C12orf42: variants seen among roughly 807,000 people sequenced by gnomAD.
The protein encoded by C12orf42 is chromosome 12 open reading frame 42.
A neutral mutation model predicts 21.6 loss-of-function variants in C12orf42; 25 were observed. The observed-to-expected ratio is 1.16, with a 90% CI of 0.84 to 1.62. The LOEUF (loss-of-function observed/expected upper bound fraction) is 1.62. Among genes scored for constraint, C12orf42 ranks in the 40% most tolerant of loss-of-function variants. The probability of loss-of-function intolerance (pLI) is 0.00; values close to 1 mark genes in which losing one functional copy is unlikely to be tolerated. For synonymous variants in C12orf42, 174 were observed against 175.0 expected (o/e 0.99, Z 0.05); for missense variants, 483 against 459.3 (o/e 1.05, Z -0.47).
At position 103,487,775 on chromosome 12, in the gene C12orf42, A is replaced by G. The variant is rs544337572; in HGVS notation, c.-22+8127T>C. On this transcript the variant is annotated intron_variant, in intron 1 of 5. Transcript: ENST00000548883. ...CTGTTTTATTCAAGACTAGGCTTGC[A>G]ACCCCTCCTTTTTTTTGCTTTCCAT... is the stretch of plus-strand genomic sequence containing the variant. Among the ~76,000 whole-genome samples, 3 of 152,240 alleles carry G rather than the reference A, an allele frequency of 2.0e-5. No homozygotes were observed. In the Middle Eastern group the frequency reaches 0.01, roughly 521 times the overall value.
chr12:103,534,131 T>C, the C12orf42 span, among the ~76,000 whole-genome samples: 1 of 152,248 alleles, frequency 6.6e-6, no homozygotes, highest in African/African-American at 2.4e-5. Flanking sequence ...CTTATCCTCA[T>C]TGAACTTACA....
At chr12:103,107,046 A>T in the C12orf42 span, among the ~76,000 whole-genome samples, 1 of 151,944 alleles carries the variant, frequency 6.6e-6, no homozygotes, top group African/African-American at 2.4e-5. Context: ...AATAGTGATA[A>T]AAGGAATAAT....
At chr12:103,507,160 ATAT>A in the C12orf42 span, among the ~76,000 whole-genome samples, 1 of 24,876 alleles carries the variant, frequency 4.0e-5, no homozygotes, top group African/African-American at 3.9e-4. Flanking sequence ...AAATATATAT[ATAT>A]AATATATATT....
rs182219554 is a variant in C12orf42 at position 103,306,488 on chromosome 12, G to A, written c.260-143C>T. On this transcript the variant is annotated intron_variant, in intron 4 of 5. Coordinates refer to ENST00000548883, the MANE Select transcript of C12orf42 (RefSeq NM_198521.5). Reference sequence around the variant, plus strand: ...GAGTAAACAAAAATGACAGACTAGGGTAGCTGAGTAGGAGAAGAAGAAGAG... The same window carrying A: ...GAGTAAACAAAAATGACAGACTAGGATAGCTGAGTAGGAGAAGAAGAAGAG... 1.1e-3 allele frequency: 1,080 copies of A among 951,520 alleles called. 17 individuals are homozygous for A. In the South Asian group the frequency reaches 0.014, roughly 12 times the overall value. The allele number at this position is 951,520 out of a possible 1,614,324, so 58.9% of individuals were successfully genotyped here.
intron 1 of C12orf42, among the ~76,000 whole-genome samples, chr12:103,486,276 TA>T (rs1306370106): frequency 6.6e-6 from 1 of 152,226 alleles, no homozygotes; most frequent in African/African-American, 2.4e-5. Context: ...AGATTACATT[TA>T]TTAATCTGCA....
chr12:103,525,297 T>C, the C12orf42 span, among the ~76,000 whole-genome samples: 1 of 152,184 alleles, frequency 6.6e-6, no homozygotes, highest in African/African-American at 2.4e-5. Flanking sequence ...CCCAAAGTAG[T>C]AGGATTACAG....
chr12:103,524,365 G>A, the C12orf42 span, among the ~76,000 whole-genome samples: 124 of 152,258 alleles, frequency 8.1e-4, no homozygotes, highest in Non-Finnish European at 1.4e-3. Context: ...TTCCAGCCAC[G>A]CTGCCTTGAG....
chr12:103,338,263 T>C (rs988196902), intron 4 of C12orf42, among the ~76,000 whole-genome samples: 6 of 152,224 alleles, frequency 3.9e-5, no homozygotes, highest in African/African-American at 1.2e-4. Flanking sequence ...GTGCACCACC[T>C]CTCTCAAAGC....
the C12orf42 span, among the ~76,000 whole-genome samples, chr12:103,562,208 G>A: frequency 6.6e-6 from 1 of 152,112 alleles, no homozygotes; most frequent in African/African-American, 2.4e-5. Context: ...ACTGATGCTG[G>A]AGTGTCTGTT....
chr12:103,300,516 A>G (rs1048992754), downstream of C12orf42, among the ~76,000 whole-genome samples: 21 of 152,206 alleles, frequency 1.4e-4, no homozygotes, highest in African/African-American at 4.6e-4. Flanking sequence ...TGCATTTTTA[A>G]TAAATTCAGG....
At chr12:103,391,585 C>G (rs555914975) in intron 3 of C12orf42, among the ~76,000 whole-genome samples, 186 of 151,928 alleles carry the variant, frequency 1.2e-3, no homozygotes, top group African/African-American at 4.1e-3. Flanking sequence ...TTTTCAAGTC[C>G]TTTGCCCATT....
chr12:103,431,436 G>A (rs138685187), intron 2 of C12orf42: 9 of 152,274 alleles, frequency 5.9e-5, no homozygotes, highest in African/African-American at 2.2e-4. Flanking sequence ...TGTCACGGAT[G>A]GTAAAATATT....
intron 5 of C12orf42, among the ~76,000 whole-genome samples, chr12:103,272,320 A>G (rs1363300924): frequency 6.6e-5 from 10 of 152,172 alleles, no homozygotes; most frequent in Admixed American, 6.5e-4. Flanking sequence ...TAAGACCAAG[A>G]AAGGGAATGA....
At chr12:103,340,045 C>T (rs2042036645) in intron 4 of C12orf42, among the ~76,000 whole-genome samples, 1 of 152,172 alleles carries the variant, frequency 6.6e-6, no homozygotes, top group Non-Finnish European at 1.5e-5. Context: ...TTTAGCTTAG[C>T]CCCTTGAAAG....
At chr12:103,400,628 C>T (rs1054183275) in intron 3 of C12orf42, among the ~76,000 whole-genome samples, 1 of 152,284 alleles carries the variant, frequency 6.6e-6, no homozygotes, top group East Asian at 1.9e-4. Context: ...TCAACTAGGT[C>T]ATGTTTTTCA....
At chr12:103,543,805 A>G in the C12orf42 span, among the ~76,000 whole-genome samples, 58 of 151,802 alleles carry the variant, frequency 3.8e-4, 1 homozygote, top group East Asian at 0.011. Context: ...AGAATCTTCC[A>G]TCTGGGAATA....
At chr12:103,409,479 G>A (rs930185764) in intron 2 of C12orf42, among the ~76,000 whole-genome samples, 1 of 152,298 alleles carries the variant, frequency 6.6e-6, no homozygotes, top group Non-Finnish European at 1.5e-5. Flanking sequence ...ACGGGCAGAA[G>A]TTAGATTTAC....
intron 4 of C12orf42, among the ~76,000 whole-genome samples, chr12:103,337,534 A>G (rs1053069366): frequency 1.3e-5 from 2 of 152,234 alleles, no homozygotes; most frequent in South Asian, 2.1e-4. Flanking sequence ...TTTGTATTTT[A>G]GTAGAGACGG....
At chr12:103,520,942 G>A in the C12orf42 span, among the ~76,000 whole-genome samples, 1 of 152,200 alleles carries the variant, frequency 6.6e-6, no homozygotes, top group Non-Finnish European at 1.5e-5. Flanking sequence ...GAAGGAATTA[G>A]TCATTCCCTT....
Sources: gnomAD v4.1 joint callset for allele counts (sites outside exome capture counted in the v4.1 genomes callset) on GRCh38, gnomAD v4.1.1 for gene constraint, MANE v1.5 for transcripts, NCBI Gene and HGNC (gene_info 2026-07-23, HGNC 2026-07-21) for gene names.